Variants in ODF2L observed in about 807,000 individuals in gnomAD.
ODF2L encodes protein BCAP.
Under a neutral mutation model 86.3 loss-of-function variants are expected in ODF2L, and 76 were observed. The ratio of observed to expected loss-of-function variants is 0.88; its 90% confidence interval spans 0.73 to 1.07. The LOEUF (loss-of-function observed/expected upper bound fraction) is 1.07. Among genes scored for constraint, ODF2L ranks in the 50% least tolerant of loss-of-function variants. The probability of loss-of-function intolerance (pLI) is 0.00; values close to 1 mark genes in which losing one functional copy is unlikely to be tolerated. For synonymous variants in ODF2L, 241 were observed against 231.3 expected, an observed-to-expected ratio of 1.04 and a Z score of -0.38; for missense variants, 748 against 717.4, an observed-to-expected ratio of 1.04 and a Z score of -0.49.
chr1:86,354,836 C>T, exon 15 of ODF2L: 1 of 1,602,558 alleles, frequency 6.2e-7, no homozygotes, highest in Non-Finnish European at 8.5e-7. Flanking sequence ...AAAGCTTTGT[C>T]AGAAGATTGT....
chr1:86,382,522 G>A (rs272517), intron 6 of ODF2L, among the ~76,000 whole-genome samples, 164 bp from the exon 7 acceptor site: 3,555 of 151,976 alleles, frequency 0.023, 71 homozygotes, highest in Non-Finnish European at 0.027. Flanking sequence ...TGTATTTCAT[G>A]CCCAACCAGG....
At chr1:86,351,942 C>T in exon 18 of ODF2L, 1 of 1,202,114 alleles carries the variant, frequency 8.3e-7, no homozygotes, top group South Asian at 3.2e-5. Flanking sequence ...TTTTCAGAGG[C>T]TTCAATTACA....
At chr1:86,361,749 AT>A (rs1659050374) in intron 11 of ODF2L, among the ~76,000 whole-genome samples, 1 of 152,186 alleles carries the variant, frequency 6.6e-6, no homozygotes, top group African/African-American at 2.4e-5. Context: ...AAAGACAAAT[AT>A]AAAAAATAAT....
rs1374182650 is a variant in ODF2L, at chr1:86,385,841, T to TTATATGAGCCTAAGAACA, written c.114-252_114-251insTGTTCTTAGGCTCATATA. 3.2e-5 allele frequency: 8 copies of TTATATGAGCCTAAGAACA among 248,858 alleles called. No homozygotes were observed. In the East Asian group the frequency reaches 4.3e-4, roughly 13 times the overall value. The allele number at this position is 248,858 out of a possible 1,614,324, so 15.4% of individuals were successfully genotyped here. ...CGTATAGTTAAGTTTGAAGGAGCAT[T>TTATATGAGCCTAAGAACA]TTCAATATTTATAAATAAAATTCCA... On this transcript the variant is annotated intron_variant, in intron 2 of 17. Transcript: ENST00000317336.
chr1:86,392,964 C>T (rs2101594194), intron 1 of ODF2L, among the ~76,000 whole-genome samples: 1 of 152,180 alleles, frequency 6.6e-6, no homozygotes, highest in South Asian at 2.1e-4. Flanking sequence ...TCCAGGAGTG[C>T]TTGTAGGCTA....
intron 1 of ODF2L, among the ~76,000 whole-genome samples, chr1:86,394,194 G>A (rs1661535854): frequency 6.6e-6 from 1 of 152,074 alleles, no homozygotes; most frequent in African/African-American, 2.4e-5. Flanking sequence ...TACAAGTAAG[G>A]AATTGGTGGA....
chr1:86,395,610 G>A (rs902776038), intron 1 of ODF2L, among the ~76,000 whole-genome samples: 5 of 152,146 alleles, frequency 3.3e-5, no homozygotes, highest in African/African-American at 1.2e-4. Context: ...GAGGATTCCT[G>A]TAATATACCT....
intron 6 of ODF2L, 28 bp from the exon 7 acceptor site, chr1:86,382,386 A>G: frequency 6.2e-7 from 1 of 1,606,710 alleles, no homozygotes; most frequent in East Asian, 2.2e-5. Context: ...AGAAAACCAA[A>G]AAAATCCATA....
intron 16 of ODF2L, among the ~76,000 whole-genome samples, chr1:86,353,255 T>C (rs967956356): frequency 3.3e-5 from 5 of 152,328 alleles, no homozygotes; most frequent in Non-Finnish European, 7.4e-5. Flanking sequence ...TCTCCAACAG[T>C]ATATTTTAAA....
chr1:86,369,683 C>T (rs181432971), intron 10 of ODF2L, among the ~76,000 whole-genome samples: 72 of 152,260 alleles, frequency 4.7e-4, no homozygotes, highest in African/African-American at 1.6e-3. Flanking sequence ...GCTTTAATTA[C>T]TATACACTGT....
At chr1:86,354,933 G>T in intron 14 of ODF2L, 74 bp from the exon 14 acceptor site, 1 of 821,262 alleles carries the variant, frequency 1.2e-6, no homozygotes, top group Non-Finnish European at 2.0e-6. Flanking sequence ...ATAATTTATT[G>T]TTAGAACAAC....
intron 1 of ODF2L, among the ~76,000 whole-genome samples, chr1:86,394,973 TG>T (rs1396142010): frequency 6.6e-6 from 1 of 151,718 alleles, no homozygotes; most frequent in African/African-American, 2.4e-5. Flanking sequence ...CCCGAGTAGC[TG>T]GGACTACGGG....
intron 1 of ODF2L, among the ~76,000 whole-genome samples, chr1:86,391,040 C>T (rs1393756726): frequency 1.3e-5 from 2 of 152,218 alleles, no homozygotes; most frequent in East Asian, 1.9e-4. Flanking sequence ...ACAGTGACCA[C>T]GCTGATAATC....
chr1:86,391,315 C>T (rs1356751793), intron 1 of ODF2L, among the ~76,000 whole-genome samples: 1 of 152,170 alleles, frequency 6.6e-6, no homozygotes, highest in Non-Finnish European at 1.5e-5. Flanking sequence ...CATCATCACT[C>T]TTCACAGAAC....
chr1:86,382,336 C>G, exon 7 of ODF2L: 1 of 1,611,108 alleles, frequency 6.2e-7, no homozygotes, highest in Non-Finnish European at 8.5e-7. Context: ...TTGGGAAAAA[C>G]GGTTTGCTTT....
chr1:86,352,105 C>A, exon 18 of ODF2L: 1 of 1,432,386 alleles, frequency 7.0e-7, no homozygotes, highest in South Asian at 1.6e-5. Context: ...GCAATAAAAT[C>A]AAATTGTGCA....
chr1:86,382,059 T>C lies in ODF2L; in HGVS notation c.624+183A>G, dbSNP rs147516912. On this transcript the variant is annotated intron_variant, in intron 7 of 17. Transcript: ENST00000317336. Reference sequence around the variant, plus strand: ...ATTAAACAGAGACAGCATTTTTATGTTGAAATTTGTACCCAAACCTTTAGT... The same window carrying C: ...ATTAAACAGAGACAGCATTTTTATGCTGAAATTTGTACCCAAACCTTTAGT... The C allele has an allele frequency of 5.4e-4, 416 of 766,884 alleles. 3 individuals are homozygous for C. In the African/African-American group the frequency reaches 7.0e-3, roughly 13 times the overall value. 47.5% of individuals were successfully genotyped at this position (766,884 alleles called of 1,614,324 possible).
At chr1:86,387,584 A>C (rs1661041560) in intron 1 of ODF2L, among the ~76,000 whole-genome samples, 1 of 152,190 alleles carries the variant, frequency 6.6e-6, no homozygotes, top group African/African-American at 2.4e-5. Context: ...ACTTACTTCT[A>C]TTCCCAACTC....
At position 86,356,629 on chromosome 1, in the gene ODF2L, T is replaced by G. The variant is rs757390359; in HGVS notation, c.1360-27A>C. The G allele has an allele frequency of 6.3e-6, 10 of 1,594,764 alleles. 1 individual carries two copies. The South Asian group carries it at 1.1e-4, about 18-fold the overall frequency. On this transcript the variant is annotated intron_variant, in intron 13 of 17. Transcript: ENST00000317336. ...TGAGTTGTGGCAGTAGGGAAATAAGTGCAAGATCACACATTCAGCATTAAT... is the reference window on the plus strand; with the variant it reads ...TGAGTTGTGGCAGTAGGGAAATAAGGGCAAGATCACACATTCAGCATTAAT...
Sources: gnomAD v4.1 joint callset for allele counts (sites outside exome capture counted in the v4.1 genomes callset) on GRCh38, gnomAD v4.1.1 for gene constraint, MANE v1.5 for transcripts, NCBI Gene and HGNC (gene_info 2026-07-23, HGNC 2026-07-21) for gene names.